The following OTUD7A variants were observed in gnomAD, a reference collection of about 807,000 sequenced individuals.
The protein encoded by OTUD7A is OTU domain-containing protein 7A.
OTUD7A carries 12 observed loss-of-function variants against 65.7 expected under a neutral mutation model. That is an observed-to-expected ratio of 0.18 (90% CI 0.12 to 0.30). OTUD7A has a LOEUF of 0.30. OTUD7A is among the 10% of genes least tolerant of loss of function. The probability of loss-of-function intolerance (pLI) is 1.00; values close to 1 mark genes in which losing one functional copy is unlikely to be tolerated. For synonymous variants in OTUD7A, 641 were observed against 586.3 expected (o/e 1.09, Z -1.35); for missense variants, 1,148 against 1,304.8 (o/e 0.88, Z 1.85).
At chr15:31,769,398 T>C (rs974203973) in intron 1 of OTUD7A, among the ~76,000 whole-genome samples, 1 of 152,142 alleles carries the variant, frequency 6.6e-6, no homozygotes, top group African/African-American at 2.4e-5. Context: ...TGGAATACAG[T>C]TGGGCAGTTT....
In OTUD7A at chr15:31,766,981, T is replaced by G. The variant is rs1263557899; in HGVS notation, c.-100+103526A>C. 1.9e-6 allele frequency: 3 copies of G among 1,612,028 alleles called. No homozygotes were observed. The African/African-American group carries it at 4.0e-5, about 22-fold the overall frequency. ...CATACTACTTAACCCTATTAAATTA[T>G]GACAACTTCCTCCCATTATGTCATT... is the stretch of plus-strand genomic sequence containing the variant. On this transcript the variant is annotated intron_variant, in intron 1 of 12. Transcript: ENST00000307050.
At chr15:31,714,399 G>A (rs1347998475) in intron 1 of OTUD7A, among the ~76,000 whole-genome samples, 1 of 152,116 alleles carries the variant, frequency 6.6e-6, no homozygotes, top group African/African-American at 2.4e-5. Flanking sequence ...TGAGAGGTCA[G>A]GAGAATGGAA....
chr15:31,759,429 C>A (rs1375285937), intron 1 of OTUD7A, among the ~76,000 whole-genome samples: 2 of 152,220 alleles, frequency 1.3e-5, no homozygotes, highest in African/African-American at 4.8e-5. Flanking sequence ...CTTCTCAGGG[C>A]CTACATTCTG....
chr15:31,664,348 T>C (rs1036582626), intron 1 of OTUD7A, among the ~76,000 whole-genome samples: 3 of 149,930 alleles, frequency 2.0e-5, no homozygotes, highest in Non-Finnish European at 4.4e-5. Context: ...TTTTTTTTTT[T>C]ATTACGGCCA....
intron 5 of OTUD7A, among the ~76,000 whole-genome samples, chr15:31,552,274 T>C (rs118014158): frequency 0.026 from 3,959 of 152,310 alleles, 78 homozygotes; most frequent in Middle Eastern, 0.041. Context: ...GCCTCTTTTC[T>C]TTATAAATTA....
rs1034287005 is a variant in OTUD7A at position 31,479,045 on chromosome 15, AG to A, written c.*4248del. On this transcript the variant is annotated 3_prime_UTR_variant, in exon 13 of 13. Coordinates refer to ENST00000307050, the MANE Select transcript of OTUD7A (RefSeq NM_001382637.1). ...CTGCCCCGGCCAGCCACACTAAAACAGGCCAGCTAGAGTTTAGAGTCAGGAG... is the reference window on the plus strand; with the variant it reads ...CTGCCCCGGCCAGCCACACTAAAACAGCCAGCTAGAGTTTAGAGTCAGGAG... The A allele has an allele frequency of 4.6e-5, 7 of 152,348 alleles. No individual in the cohort carries two copies. The highest frequency in any genetic ancestry group is 1.7e-4 in the African/African-American group (7 of 41,468). The allele number at this position is 152,348 out of a possible 1,614,324, so 9.4% of individuals were successfully genotyped here.
At chr15:31,689,744 A>G (rs1892920122) in intron 1 of OTUD7A, among the ~76,000 whole-genome samples, 1 of 152,198 alleles carries the variant, frequency 6.6e-6, no homozygotes, top group Non-Finnish European at 1.5e-5. Context: ...TCAATGGGAA[A>G]AGTCTCATCC....
intron 3 of OTUD7A, among the ~76,000 whole-genome samples, chr15:31,619,118 T>G (rs1890690978): frequency 6.6e-6 from 1 of 152,360 alleles, no homozygotes; most frequent in East Asian, 1.9e-4. Context: ...GGCTCTGTTC[T>G]GCTCCATTGA....
rs533223834 is a variant in OTUD7A at position 31,571,680 on chromosome 15, C to T, written c.152-1483G>A. ...GGAAAGCACTAATACATGGTAGTTA[C>T]CATTATTCTCATTAATTATAGGTTT... On this transcript the variant is annotated intron_variant, in intron 3 of 12. Coordinates refer to ENST00000307050, the MANE Select transcript of OTUD7A (RefSeq NM_001382637.1). Among the ~76,000 whole-genome samples, 9 of 152,240 alleles carry T rather than the reference C, an allele frequency of 5.9e-5. No homozygotes were observed. In the South Asian group the frequency reaches 1.5e-3, roughly 25 times the overall value.
In OTUD7A at chr15:31,487,214, G is replaced by A. The variant is rs781133041; in HGVS notation, c.1351C>T (p.Arg451Trp). Residue 451 changes from arginine to tryptophan, a missense_variant, in exon 12 of 13, where the codon CGG becomes TGG. Physicochemically the swap from Arg to Trp is moderately radical, Grantham distance 101. Transcript: ENST00000307050. The surrounding 1 kb of genome is among the most constrained non-coding windows in gnomAD (Gnocchi z 6.0). ...CTCACCCGTGTCTCGGAGGGGATCC[G>A]GATCCACGTCACGTTCATGTAGCTG... The part of the protein sequence containing the change: ...LHSYMNVTWI[R>W]IPSETRAPLA... 10 of 1,613,998 alleles carry A rather than the reference G, an allele frequency of 6.2e-6. No individual in the cohort carries two copies. Among genetic ancestry groups the A allele is most frequent in the Middle Eastern group, 1.7e-4 (1 of 6,044 alleles).
At chr15:31,752,332 T>C (rs60157707) in intron 1 of OTUD7A, among the ~76,000 whole-genome samples, 3,555 of 152,328 alleles carry the variant, frequency 0.023, 139 homozygotes, top group African/African-American at 0.08. Flanking sequence ...TCTATCCTCA[T>C]AGAGAAATGT....
chr15:31,669,134 C>T (rs1291923048), intron 1 of OTUD7A, among the ~76,000 whole-genome samples: 1 of 152,192 alleles, frequency 6.6e-6, no homozygotes, highest in East Asian at 1.9e-4. Context: ...TGGCCACCTG[C>T]CAGGAGATGG....
intron 5 of OTUD7A, among the ~76,000 whole-genome samples, chr15:31,550,452 G>A (rs1428372280): frequency 6.6e-6 from 1 of 152,190 alleles, no homozygotes; most frequent in African/African-American, 2.4e-5. Flanking sequence ...AGCGCACAGT[G>A]AACCTGCATC....
intron 1 of OTUD7A, among the ~76,000 whole-genome samples, chr15:31,821,133 CTTTTTT>C (rs35732957): frequency 3.1e-5 from 3 of 97,466 alleles, no homozygotes; most frequent in African/African-American, 8.3e-5. Flanking sequence ...TTTTTCATTT[CTTTTTT>C]TTTTTTTTTT....
At chr15:31,631,078 C>T (rs1891134091) in intron 3 of OTUD7A, among the ~76,000 whole-genome samples, 1 of 152,184 alleles carries the variant, frequency 6.6e-6, no homozygotes, top group Admixed American at 6.5e-5. Context: ...GAGCATTTAG[C>T]CCACTGACAT....
At chr15:31,692,787 C>G (rs1191851671) in intron 1 of OTUD7A, among the ~76,000 whole-genome samples, 1 of 151,306 alleles carries the variant, frequency 6.6e-6, no homozygotes, top group African/African-American at 2.4e-5. Context: ...TAAGAACAGC[C>G]TTTGACCCAG....
At chr15:31,809,362 G>C (rs1442429538) in intron 1 of OTUD7A, among the ~76,000 whole-genome samples, 1 of 152,170 alleles carries the variant, frequency 6.6e-6, no homozygotes, top group Non-Finnish European at 1.5e-5. Flanking sequence ...TCAGAATCTG[G>C]CTTGAGCGGT....
chr15:31,855,019 AT>A (rs1221225319), intron 1 of OTUD7A, among the ~76,000 whole-genome samples: 2 of 152,238 alleles, frequency 1.3e-5, no homozygotes, highest in African/African-American at 4.8e-5. Context: ...TATCAACTTT[AT>A]CAAAGAGATG....
intron 1 of OTUD7A, among the ~76,000 whole-genome samples, chr15:31,669,813 A>G (rs1475044080): frequency 6.6e-6 from 1 of 151,874 alleles, no homozygotes; most frequent in Non-Finnish European, 1.5e-5. Flanking sequence ...GGGAGCTCCC[A>G]GGGCCTTTCC....
Sources: gnomAD v4.1 joint callset for allele counts (sites outside exome capture counted in the v4.1 genomes callset) on GRCh38, gnomAD v4.1.1 for gene constraint, Gnocchi (gnomAD v3.1) non-coding constraint, MANE v1.5 for transcripts, NCBI Gene and HGNC (gene_info 2026-07-23, HGNC 2026-07-21) for gene names.